ITPR2: variants seen among roughly 807,000 people sequenced by gnomAD.
ITPR2 encodes the protein inositol 1,4,5-trisphosphate receptor type 2, also known as inositol 1,4,5-trisphosphate-gated calcium channel ITPR2.
In ITPR2, 207 loss-of-function variants were observed where a neutral mutation model predicts 317.1. That is an observed-to-expected ratio of 0.65 (90% CI 0.58 to 0.73). The LOEUF is 0.73. Among genes scored for constraint, ITPR2 ranks in the 30% least tolerant of loss-of-function variants. ITPR2 has a pLI of 0.00. For missense variants in ITPR2, 2,613 were observed against 3,284.0 expected, an observed-to-expected ratio of 0.80 and a Z score of 4.99; for synonymous variants, 1,156 against 1,149.1, an observed-to-expected ratio of 1.01 and a Z score of -0.12.
At chr12:26,536,420 G>A (rs557064527) in intron 37 of ITPR2, among the ~76,000 whole-genome samples, 5 of 152,096 alleles carry the variant, frequency 3.3e-5, no homozygotes, top group Non-Finnish European at 7.3e-5. Context: ...AGTAGAACTC[G>A]AGACTATGAA....
In ITPR2 at chr12:26,526,165, C is replaced by A. The variant is rs7314088; in HGVS notation, c.5073+24082G>T. Among the ~76,000 whole-genome samples the A allele has an allele frequency of 7.8e-4, 118 of 152,074 alleles. 1 individual carries two copies. The highest frequency in any genetic ancestry group is 2.8e-3 in the African/African-American group (115 of 41,462). ...GCACTGCAGCTAGAGTAATAATAGACTCATGGAAATAAGAAAAAATGTACA... is the reference window on the plus strand; with the variant it reads ...GCACTGCAGCTAGAGTAATAATAGAATCATGGAAATAAGAAAAAATGTACA... On this transcript the variant is annotated intron_variant, in intron 37 of 56. Coordinates refer to ENST00000381340, the MANE Select transcript of ITPR2 (RefSeq NM_002223.4).
intron 28 of ITPR2, among the ~76,000 whole-genome samples, chr12:26,600,765 C>G (rs965431612): frequency 1.3e-5 from 2 of 151,824 alleles, no homozygotes; most frequent in African/African-American, 2.4e-5. Context: ...TCTGCTCTCA[C>G]TCTATTTCCT....
chr12:26,556,093 G>A, intron 36 of ITPR2, 140 bp downstream of exon 36: 2 of 638,422 alleles, frequency 3.1e-6, no homozygotes, highest in Non-Finnish European at 4.9e-6. Context: ...AATTATTCTG[G>A]CAGTATATTT....
chr12:26,419,046 C>T lies in ITPR2; in HGVS notation c.7110+3G>A. 6.2e-7 allele frequency: 1 copy of T among 1,612,628 alleles called. No individual in the cohort carries two copies. Among genetic ancestry groups the T allele is most frequent in the Non-Finnish European group, 8.5e-7 (1 of 1,179,168 alleles). ...GTGATTGTCCACATAGAGATGTACT[C>T]ACCAGGAAGCTATAGAAGAATTCAT... On this transcript the variant is annotated splice_donor_region_variant and intron_variant, in intron 50 of 56. Transcript: ENST00000381340.
chr12:26,614,375 T>TA (rs1946331956), intron 26 of ITPR2, among the ~76,000 whole-genome samples: 1 of 151,946 alleles, frequency 6.6e-6, no homozygotes, highest in Non-Finnish European at 1.5e-5. Flanking sequence ...AATAGGTATA[T>TA]AGGATGGGAG....
chr12:26,364,839 C>G (rs1485630149), intron 55 of ITPR2, among the ~76,000 whole-genome samples: 1 of 152,074 alleles, frequency 6.6e-6, no homozygotes, highest in Non-Finnish European at 1.5e-5. Context: ...TTCTGTGTAC[C>G]CTGACGGCCT....
intron 38 of ITPR2, among the ~76,000 whole-genome samples, chr12:26,494,752 AGAGT>A (rs1245994068): frequency 2.8e-4 from 35 of 124,708 alleles, no homozygotes; most frequent in Non-Finnish European, 1.6e-5. Context: ...GCTGGGTGAC[AGAGT>A]GAGACTCTGC....
chr12:26,448,011 A>AAAAAAAAAC (rs1432413979), intron 45 of ITPR2, among the ~76,000 whole-genome samples: 1 of 151,308 alleles, frequency 6.6e-6, no homozygotes, highest in African/African-American at 2.4e-5. Flanking sequence ...TTAAAAAAAA[A>AAAAAAAAAC]AAAACCCAGC....
intron 37 of ITPR2, among the ~76,000 whole-genome samples, chr12:26,533,865 T>A (rs1227827001): frequency 7.2e-5 from 11 of 152,196 alleles, no homozygotes; most frequent in Admixed American, 7.2e-4. Flanking sequence ...ACTCGATCTG[T>A]GGGACTTTGT....
At chr12:26,406,425 G>C (rs1380988350) in intron 52 of ITPR2, 1 of 131,648 alleles carries the variant, frequency 7.6e-6, no homozygotes, top group Non-Finnish European at 1.6e-5. Flanking sequence ...AATGAAATAT[G>C]AAGTTTTTTT....
Position 26,475,398 on chromosome 12 carries a change from G to A in ITPR2, c.6240C>T (p.Ala2080=). The part of the protein sequence containing the change: ...PRELVDVMKN[A]YNQGLECDHG... Reference sequence around the variant, plus strand: ...GGTCACATTCCAATCCTTGGTTATAGGCATTCTTCATCACATCCACCTATC... The same window carrying A: ...GGTCACATTCCAATCCTTGGTTATAAGCATTCTTCATCACATCCACCTATC... Residue 2080 remains alanine (A), a synonymous_variant, in exon 45 of 57, where the codon GCC becomes GCT. Transcript: ENST00000381340. 7 of 1,613,596 alleles carry A rather than the reference G, an allele frequency of 4.3e-6. No individual in the cohort carries two copies. In the East Asian group the frequency reaches 1.6e-4, roughly 36 times the overall value.
At chr12:26,366,425 G>A (rs1332380713) in intron 55 of ITPR2, among the ~76,000 whole-genome samples, 1 of 152,082 alleles carries the variant, frequency 6.6e-6, no homozygotes, top group Non-Finnish European at 1.5e-5. Context: ...TTTCAGGGAC[G>A]TCTTTACCAA....
chr12:26,747,455 T>C (rs984234514), intron 2 of ITPR2, among the ~76,000 whole-genome samples: 11 of 152,312 alleles, frequency 7.2e-5, no homozygotes, highest in African/African-American at 2.6e-4. Flanking sequence ...GTTTAAAAAG[T>C]CAAATACTGG....
intron 2 of ITPR2, among the ~76,000 whole-genome samples, chr12:26,752,566 G>A (rs1472770502): frequency 6.6e-6 from 1 of 152,162 alleles, no homozygotes; most frequent in African/African-American, 2.4e-5. Context: ...AAAAGGGGAG[G>A]CATGAATAAT....
At chr12:26,781,411 T>C (rs1370487405) in intron 2 of ITPR2, among the ~76,000 whole-genome samples, 1 of 152,228 alleles carries the variant, frequency 6.6e-6, no homozygotes, top group Non-Finnish European at 1.5e-5. Flanking sequence ...ATTCTCTTTT[T>C]CCTTTATTAT....
At chr12:26,541,885 TA>T (rs796499618) in intron 37 of ITPR2, among the ~76,000 whole-genome samples, 2,318 of 144,122 alleles carry the variant, frequency 0.016, 62 homozygotes, top group African/African-American at 0.05. Flanking sequence ...ATTTTAGAGT[TA>T]AAAAAAAAAA....
At chr12:26,445,825 T>C (rs946289826) in intron 45 of ITPR2, among the ~76,000 whole-genome samples, 2 of 152,070 alleles carry the variant, frequency 1.3e-5, no homozygotes, top group African/African-American at 4.8e-5. Flanking sequence ...AAGAAATAGA[T>C]GGCAGCTAGA....
intron 37 of ITPR2, among the ~76,000 whole-genome samples, chr12:26,545,539 GC>G (rs1245249854): frequency 1.3e-5 from 2 of 152,110 alleles, no homozygotes; most frequent in African/African-American, 4.8e-5. Context: ...ACACACTACT[GC>G]TCACACCTTG....
At chr12:26,718,578 A>G (rs1666403934) in intron 5 of ITPR2, among the ~76,000 whole-genome samples, 1 of 149,634 alleles carries the variant, frequency 6.7e-6, no homozygotes, top group South Asian at 2.1e-4. Flanking sequence ...GCATATATAT[A>G]GTATATATAT....
Sources: allele counts gnomAD v4.1 joint callset (sites outside exome capture counted in the v4.1 genomes callset), GRCh38; gene constraint gnomAD v4.1.1; transcripts MANE v1.5; gene names NCBI Gene and HGNC (gene_info 2026-07-23, HGNC 2026-07-21).